Variants in ATXN7L2 observed in about 807,000 individuals in gnomAD.
The protein encoded by ATXN7L2 is ataxin 7 like 2.
Under a neutral mutation model 59.6 loss-of-function variants are expected in ATXN7L2, and 17 were observed. The observed-to-expected ratio is 0.29, with a 90% CI of 0.20 to 0.43. The LOEUF is 0.43. Ranked by LOEUF, ATXN7L2 falls within the 20% of genes least tolerant of loss-of-function variation. ATXN7L2 has a pLI of 1.00. For synonymous variants in ATXN7L2, 378 were observed against 392.5 expected (o/e 0.96, Z 0.44); for missense variants, 858 against 1,008.9 (o/e 0.85, Z 2.03).
intron 7 of ATXN7L2, chr1:109,489,626 G>A (rs1320701980): frequency 2.1e-6 from 1 of 476,290 alleles, no homozygotes; most frequent in Non-Finnish European, 3.7e-6. Context: ...GACCAGAGCT[G>A]GGTACAGTTT....
At position 109,489,032 on chromosome 1, in the gene ATXN7L2, G is replaced by A. The variant is rs746711045; in HGVS notation, c.1065G>A (p.Ala355=). 9.3e-6 allele frequency: 15 copies of A among 1,614,014 alleles called. No individual in the cohort carries two copies. The highest frequency in any genetic ancestry group is 6.7e-5 in the Admixed American group (4 of 60,008). The change falls in exon 7 of 11, where the codon GCG becomes GCA. Residue 355 remains alanine (A), a synonymous_variant. Coordinates refer to ENST00000683729, the MANE Select transcript of ATXN7L2 (RefSeq NM_001350175.2). ...ELPSSVQVVA[A]VAAPSSTFSV... The stretch of plus-strand genomic sequence containing the variant: ...CCTCCTCAGTCCAGGTTGTAGCAGC[G>A]GTGGCTGCTCCCAGCAGCACCTTCT...
intron 10 of ATXN7L2, 136 bp from the exon 11 acceptor site, chr1:109,492,450 C>T: frequency 8.5e-7 from 1 of 1,177,170 alleles, no homozygotes. Context: ...ATTCATCTTC[C>T]CCCTTGCTCA....
Position 109,483,943 on chromosome 1 carries a change from C to T in ATXN7L2, c.-11C>T. The stretch of plus-strand genomic sequence containing the variant: ...CGGCGGCGCCAGGGCGGGCGCGCGT[C>T]CGCGGCGGTGATGGCGGTGCGTGAA... On this transcript the variant is annotated 5_prime_UTR_variant, in exon 1 of 11. Transcript: ENST00000683729. The T allele has an allele frequency of 2.4e-6, 3 of 1,226,400 alleles. No homozygotes were observed. Among genetic ancestry groups the T allele is most frequent in the South Asian group, 7.4e-5 (2 of 27,038 alleles). 76.0% of individuals were successfully genotyped at this position (1,226,400 alleles called of 1,614,324 possible). A position where few individuals can be genotyped will look rare whatever the true frequency, so the allele number is the denominator to read the frequency against.
rs1229338736 is a variant in ATXN7L2 at position 109,488,826 on chromosome 1, C to T, written c.880-21C>T. On this transcript the variant is annotated intron_variant, in intron 6 of 10. Transcript: ENST00000683729. This position sits in a 1 kb window ranked among gnomAD's most constrained non-coding sequence, Gnocchi z 5.0. ...CTCAGTTCATACCTACTCCCCAGCT[C>T]TCCACTCTGCTGTATTCTAGATCCA... is the stretch of plus-strand genomic sequence containing the variant. 2.5e-6 allele frequency: 4 copies of T among 1,606,066 alleles called. No individual in the cohort carries two copies. The highest frequency in any genetic ancestry group is 1.7e-6 in the Non-Finnish European group (2 of 1,174,316).
At position 109,486,650 on chromosome 1, in the gene ATXN7L2, A is replaced by G; in HGVS notation, c.298+40A>G. 1 of 1,543,596 alleles carries G rather than the reference A, an allele frequency of 6.5e-7. No homozygotes were observed. The highest frequency in any genetic ancestry group is 1.4e-5 in the African/African-American group (1 of 73,602). On this transcript the variant is annotated intron_variant, in intron 3 of 10. Transcript: ENST00000683729. This position sits in a 1 kb window ranked among gnomAD's most constrained non-coding sequence, Gnocchi z 4.3. ...AGGGAGGAGATAAAGGGACAGGGGAAGGTGGAGCATGGAACTCTGAGGACA... is the reference window on the plus strand; with the variant it reads ...AGGGAGGAGATAAAGGGACAGGGGAGGGTGGAGCATGGAACTCTGAGGACA...
intron 8 of ATXN7L2, 59 bp downstream of exon 8, chr1:109,490,187 A>G: frequency 6.3e-7 from 1 of 1,577,756 alleles, no homozygotes; most frequent in Non-Finnish European, 8.6e-7. Flanking sequence ...GGCCAACAAC[A>G]TGGGGAGGAG....
Position 109,491,675 on chromosome 1 carries a change from A to G in ATXN7L2, c.2208A>G (p.Pro736=). ...CCTGCTCTGTGCGCCGCAAGAAGCC[A>G]GGCCCGGCCCTGGCCTTTGAGGAGA... is the stretch of plus-strand genomic sequence containing the variant. ...DVACSVRRKK[P]GPALAFEEKC... The change falls in exon 10 of 11, where the codon CCA becomes CCG. Residue 736 remains proline, a synonymous_variant. Transcript: ENST00000683729. This position sits in a 1 kb window ranked among gnomAD's most constrained non-coding sequence, Gnocchi z 4.1. 1.2e-6 allele frequency: 2 copies of G among 1,609,886 alleles called. No homozygotes were observed. Among genetic ancestry groups the G allele is most frequent in the Non-Finnish European group, 1.7e-6 (2 of 1,177,932 alleles).
In ATXN7L2 at chr1:109,486,025, C is replaced by A; in HGVS notation, c.128-32C>A. The A allele has an allele frequency of 6.5e-7, 1 of 1,537,754 alleles. No homozygotes were observed. The highest frequency in any genetic ancestry group is 2.3e-5 in the East Asian group (1 of 42,778). ...AGGCTGGAGACTCTCTAAAACTGGC[C>A]CTGACCCTTCTGAGCTGTGTTTCTC... On this transcript the variant is annotated intron_variant, in intron 1 of 10. Transcript: ENST00000683729. This position sits in a 1 kb window ranked among gnomAD's most constrained non-coding sequence, Gnocchi z 4.3.
intron 4 of ATXN7L2, 131 bp downstream of exon 4, chr1:109,487,348 C>T (rs2101027090): frequency 3.4e-6 from 4 of 1,170,232 alleles, no homozygotes; most frequent in African/African-American, 3.1e-5. Flanking sequence ...TCTGCAGCTT[C>T]CTTCCATATA....
chr1:109,484,101 G>A (rs1012122081), intron 1 of ATXN7L2, 21 bp downstream of exon 1: 1 of 1,491,284 alleles, frequency 6.7e-7, no homozygotes, highest in Non-Finnish European at 9.0e-7. Context: ...CCACCCTAAA[G>A]TCCGGGGACC....
chr1:109,490,838 G>A, intron 9 of ATXN7L2, 84 bp from the exon 10 acceptor site: 1 of 1,422,974 alleles, frequency 7.0e-7, no homozygotes, highest in Non-Finnish European at 9.5e-7. Flanking sequence ...TTCTAGGTGG[G>A]GCAGAGAGAC....
intron 10 of ATXN7L2, chr1:109,492,198 C>A: frequency 1.2e-6 from 1 of 839,348 alleles, no homozygotes; most frequent in Admixed American, 4.9e-5. Flanking sequence ...CATGTGCCCA[C>A]CTCCAGGTGT....
chr1:109,489,698 G>A (rs1656878751), intron 7 of ATXN7L2: 1 of 577,692 alleles, frequency 1.7e-6, no homozygotes, highest in East Asian at 3.0e-5. Flanking sequence ...AGGAGGAAGG[G>A]GCTGGGAGGT....
At chr1:109,485,310 G>C (rs995760084) in intron 1 of ATXN7L2, 42 of 985,124 alleles carry the variant, frequency 4.3e-5, no homozygotes, top group Non-Finnish European at 5.1e-5. Context: ...GCACAGCTAA[G>C]ATGTTTTTGT....
At position 109,492,615 on chromosome 1, in the gene ATXN7L2, C is replaced by A. The variant is rs771037274; in HGVS notation, c.*15C>A. On this transcript the variant is annotated 3_prime_UTR_variant, in exon 11 of 11. Coordinates refer to ENST00000683729, the MANE Select transcript of ATXN7L2 (RefSeq NM_001350175.2). Reference sequence around the variant, plus strand: ...AAGCCCATTAACGAGAAAGTGCCTGCCCACTGCAACGGAGCCGCCAGCACC... The same window carrying A: ...AAGCCCATTAACGAGAAAGTGCCTGACCACTGCAACGGAGCCGCCAGCACC... 1 of 1,613,404 alleles carries A rather than the reference C, an allele frequency of 6.2e-7. No individual in the cohort carries two copies. The highest frequency in any genetic ancestry group is 1.7e-5 in the Admixed American group (1 of 60,024).
At chr1:109,490,693 A>G (rs527249995) in intron 9 of ATXN7L2, among the ~76,000 whole-genome samples, 335 of 152,244 alleles carry the variant, frequency 2.2e-3, no homozygotes, top group African/African-American at 7.6e-3. Flanking sequence ...TTTAAAATGA[A>G]GTTCCTAGTG....
chr1:109,488,787 G>A lies in ATXN7L2; in HGVS notation c.880-60G>A, dbSNP rs184277521. On this transcript the variant is annotated intron_variant, in intron 6 of 10. Coordinates refer to ENST00000683729, the MANE Select transcript of ATXN7L2 (RefSeq NM_001350175.2). The surrounding 1 kb of genome is among the most constrained non-coding windows in gnomAD (Gnocchi z 5.0). ...CTTGCCCGGGCCAAAGCACCCTGCC[G>A]TCCCTCACCCCTTCTCAGTTCATAC... 1.9e-5 allele frequency: 30 copies of A among 1,561,442 alleles called. No individual in the cohort carries two copies. The highest frequency in any genetic ancestry group is 1.1e-4 in the East Asian group (5 of 44,232).
At chr1:109,492,795 G>A (rs892344001), downstream of ATXN7L2, 11 of 703,110 alleles carry the variant, frequency 1.6e-5, no homozygotes, top group African/African-American at 7.2e-5. Flanking sequence ...AGAAAAGGAA[G>A]GAAAAAAAAT....
Position 109,491,720 on chromosome 1 carries a change from AC to A in ATXN7L2, c.2250+5del. ...AGGAGAAGTGCTCTACACTGAAGGT[AC>A]CAGCCAGGCTCCCTGAAGATTGATG... is the stretch of plus-strand genomic sequence containing the variant. On this transcript the variant is annotated splice_donor_region_variant and intron_variant, in intron 10 of 10. Transcript: ENST00000683729. The surrounding 1 kb of genome is among the most constrained non-coding windows in gnomAD (Gnocchi z 4.1). 3 of 1,583,838 alleles carry A rather than the reference AC, an allele frequency of 1.9e-6. No homozygotes were observed. In the South Asian group the frequency reaches 3.4e-5, roughly 18 times the overall value.
Sources: allele counts gnomAD v4.1 joint callset (sites outside exome capture counted in the v4.1 genomes callset), GRCh38; gene constraint gnomAD v4.1.1; non-coding constraint Gnocchi (gnomAD v3.1); transcripts MANE v1.5; gene names NCBI Gene and HGNC (gene_info 2026-07-23, HGNC 2026-07-21).